Variants in KIRREL3 observed in about 807,000 individuals in gnomAD.
The protein encoded by KIRREL3 is kin of IRRE-like protein 3.
Under a neutral mutation model 89.7 loss-of-function variants are expected in KIRREL3, and 36 were observed. The ratio of observed to expected loss-of-function variants is 0.40; its 90% CI spans 0.31 to 0.53. The LOEUF (loss-of-function observed/expected upper bound fraction) is 0.53. KIRREL3 is among the 20% of genes least tolerant of loss of function. The pLI is 0.49. For missense variants in KIRREL3, 864 were observed against 1,056.6 expected (o/e 0.82, Z 2.53); for synonymous variants, 445 against 441.4 (o/e 1.01, Z -0.10).
At chr11:126,442,448 G>T (rs1009720502) in intron 10 of KIRREL3, among the ~76,000 whole-genome samples, 6 of 151,862 alleles carry the variant, frequency 4.0e-5, no homozygotes, top group Non-Finnish European at 7.4e-5. Flanking sequence ...CTTCTTAAAA[G>T]AAAATGAAAA....
Position 126,900,208 on chromosome 11 carries a change from C to T in KIRREL3, c.55+100247G>A, listed in dbSNP as rs187460050. On this transcript the variant is annotated intron_variant, in intron 1 of 16. Coordinates refer to ENST00000525144, the MANE Select transcript of KIRREL3 (RefSeq NM_032531.4). The surrounding 1 kb of genome is among the most constrained non-coding windows in gnomAD (Gnocchi z 4.4). ...CATGTGCCTAATTTATAGCAAGTCA[C>T]CTACTACTAGAACATCGGCCCTTCA... Among the ~76,000 whole-genome samples, 2 of 152,276 alleles carry T rather than the reference C, an allele frequency of 1.3e-5. No homozygotes were observed. Among genetic ancestry groups the T allele is most frequent in the Admixed American group, 6.5e-5 (1 of 15,308 alleles).
intron 1 of KIRREL3, among the ~76,000 whole-genome samples, chr11:126,738,058 T>C (rs1948862492): frequency 6.6e-6 from 1 of 152,140 alleles, no homozygotes; most frequent in South Asian, 2.1e-4. Context: ...GTAACCATCA[T>C]TCTCCTTAGT....
rs1451969196 is a variant in KIRREL3, at chr11:126,642,936, T to C, written c.56-80024A>G. Among the ~76,000 whole-genome samples the C allele has an allele frequency of 6.6e-6, 1 of 152,130 alleles. No homozygotes were observed. Among genetic ancestry groups the C allele is most frequent in the Non-Finnish European group, 1.5e-5 (1 of 68,026 alleles). On this transcript the variant is annotated intron_variant, in intron 1 of 16. Transcript: ENST00000525144. The surrounding 1 kb of genome is among the most constrained non-coding windows in gnomAD (Gnocchi z 4.9). ...GCATGGTTCCAGAGTACAAGGATCC[T>C]ACAAAGTAAAAGGGTAAAAAAAAGG...
At chr11:126,529,674 G>C (rs760497673) in intron 2 of KIRREL3, among the ~76,000 whole-genome samples, 6 of 151,510 alleles carry the variant, frequency 4.0e-5, no homozygotes, top group Non-Finnish European at 8.8e-5. Context: ...CTTTTCTATG[G>C]AAAGACTGTT....
chr11:126,700,204 AAAAG>A (rs1337745069), intron 1 of KIRREL3, among the ~76,000 whole-genome samples: 11 of 152,022 alleles, frequency 7.2e-5, no homozygotes, highest in African/African-American at 2.7e-4. Flanking sequence ...AAAAAAAAAA[AAAAG>A]AGAGAGAGAG....
In KIRREL3 at chr11:126,723,324, T is replaced by A. The variant is rs889786752; in HGVS notation, c.56-160412A>T. ...GAATGAAAGGCAAAGGGAACAGTGCTGAGCCAGAGAACACAGCATTAGTGG... is the reference window on the plus strand; with the variant it reads ...GAATGAAAGGCAAAGGGAACAGTGCAGAGCCAGAGAACACAGCATTAGTGG... On this transcript the variant is annotated intron_variant, in intron 1 of 16. Transcript: ENST00000525144. This position sits in a 1 kb window ranked among gnomAD's most constrained non-coding sequence, Gnocchi z 4.0. Among the ~76,000 whole-genome samples, 9 of 152,184 alleles carry A rather than the reference T, an allele frequency of 5.9e-5. No homozygotes were observed. Among genetic ancestry groups the A allele is most frequent in the African/African-American group, 2.2e-4 (9 of 41,426 alleles).
intron 1 of KIRREL3, among the ~76,000 whole-genome samples, chr11:126,922,080 A>G (rs1592363952): frequency 1.3e-5 from 2 of 148,350 alleles, no homozygotes; most frequent in African/African-American, 5.0e-5. Context: ...CTGTCTTCCT[A>G]TCATCTATCT....
chr11:126,861,073 A>G (rs1033466442), intron 1 of KIRREL3, among the ~76,000 whole-genome samples: 1 of 152,172 alleles, frequency 6.6e-6, no homozygotes, highest in Non-Finnish European at 1.5e-5. Context: ...ATGGGTAGGG[A>G]AAAGGGCAAA....
rs1302279942 is a variant in KIRREL3, at chr11:126,531,499, G to A, written c.134-4812C>T. Among the ~76,000 whole-genome samples the A allele has an allele frequency of 6.6e-6, 1 of 151,792 alleles. No individual in the cohort carries two copies. The highest frequency in any genetic ancestry group is 2.0e-4 in the East Asian group (1 of 5,128). ...ACCCCCGTGCTGGCTAGTCACTAAGGTCACCTGCCTCGAGTTCTCCTCGAT... is the reference window on the plus strand; with the variant it reads ...ACCCCCGTGCTGGCTAGTCACTAAGATCACCTGCCTCGAGTTCTCCTCGAT... On this transcript the variant is annotated intron_variant, in intron 2 of 16. Coordinates refer to ENST00000525144, the MANE Select transcript of KIRREL3 (RefSeq NM_032531.4). This position sits in a 1 kb window ranked among gnomAD's most constrained non-coding sequence, Gnocchi z 4.7.
In KIRREL3 at chr11:126,877,305, A is replaced by G. The variant is rs927308891; in HGVS notation, c.55+123150T>C. ...CTCAGATAGCAAAAGAGCGTTCTAT[A>G]TATACATGCATTTTCAAAATATTGT... On this transcript the variant is annotated intron_variant, in intron 1 of 16. Coordinates refer to ENST00000525144, the MANE Select transcript of KIRREL3 (RefSeq NM_032531.4). The surrounding 1 kb of genome is among the most constrained non-coding windows in gnomAD (Gnocchi z 4.9). Among the ~76,000 whole-genome samples, 2 of 152,196 alleles carry G rather than the reference A, an allele frequency of 1.3e-5. No homozygotes were observed. The highest frequency in any genetic ancestry group is 4.8e-5 in the African/African-American group (2 of 41,444).
intron 1 of KIRREL3, among the ~76,000 whole-genome samples, chr11:126,589,557 G>A (rs1295719250): frequency 6.6e-6 from 1 of 152,220 alleles, no homozygotes; most frequent in Admixed American, 6.5e-5. Flanking sequence ...TGTGTTCAAA[G>A]GAGGAAATGG....
At chr11:126,971,502 T>G (rs908244975) in intron 1 of KIRREL3, among the ~76,000 whole-genome samples, 6 of 152,170 alleles carry the variant, frequency 3.9e-5, no homozygotes. Context: ...TTGGCATCAT[T>G]GAGTCTCTCT....
intron 10 of KIRREL3, 109 bp downstream of exon 10, chr11:126,444,870 A>G: frequency 6.9e-7 from 1 of 1,448,906 alleles, no homozygotes; most frequent in East Asian, 2.3e-5. Context: ...TGGAGGTGAC[A>G]GCAAGGCCCA....
chr11:126,493,274 C>T (rs112986197), intron 4 of KIRREL3, among the ~76,000 whole-genome samples: 1,736 of 152,274 alleles, frequency 0.011, 31 homozygotes, highest in African/African-American at 0.039. Context: ...GTAATCCTAG[C>T]ACTTTGGGAG....
At chr11:126,884,695 G>A (rs1412916925) in intron 1 of KIRREL3, among the ~76,000 whole-genome samples, 1 of 152,052 alleles carries the variant, frequency 6.6e-6, no homozygotes. Flanking sequence ...TTCATCAAAT[G>A]ACAGGTTTTG....
Position 126,463,402 on chromosome 11 carries a change from AG to A in KIRREL3, c.592-96del. The A allele has an allele frequency of 7.8e-7, 1 of 1,280,274 alleles. No individual in the cohort carries two copies. 79.3% of individuals were successfully genotyped at this position (1,280,274 alleles called of 1,614,324 possible). ...GTAAACGAGCACCAGCTTAGACAGA[AG>A]GGGGAGCTGTGGATGGAGGGGTTCA... is the stretch of plus-strand genomic sequence containing the variant. On this transcript the variant is annotated intron_variant, in intron 5 of 16. Transcript: ENST00000525144. The surrounding 1 kb of genome is among the most constrained non-coding windows in gnomAD (Gnocchi z 5.9).
intron 1 of KIRREL3, among the ~76,000 whole-genome samples, chr11:126,765,351 C>T (rs2134280318): frequency 6.6e-6 from 1 of 152,320 alleles, no homozygotes; most frequent in African/African-American, 2.4e-5. Context: ...CACCCCAACA[C>T]CACAAAGCTA....
In KIRREL3 at chr11:126,445,067, C is replaced by T. The variant is rs1955738363; in HGVS notation, c.1164G>A (p.Val388=). The T allele has an allele frequency of 6.2e-7, 1 of 1,613,924 alleles. No homozygotes were observed. Residue 388 remains valine, a synonymous_variant, in exon 10 of 17, where the codon GTG becomes GTA. Coordinates refer to ENST00000525144, the MANE Select transcript of KIRREL3 (RefSeq NM_032531.4). ...SNEKTLTLKS[V]RQEDAGKYVC... ...CGTACTTGCCCGCGTCCTCCTGGCG[C>T]ACGGATTTGAGGGTCAGGGTCTTCT...
Position 126,587,646 on chromosome 11 carries a change from C to T in KIRREL3, c.56-24734G>A, listed in dbSNP as rs552714825. On this transcript the variant is annotated intron_variant, in intron 1 of 16. Coordinates refer to ENST00000525144, the MANE Select transcript of KIRREL3 (RefSeq NM_032531.4). The surrounding 1 kb of genome is among the most constrained non-coding windows in gnomAD (Gnocchi z 5.2). ...ATAAAAATCCGGCTGCACTTTATCT[C>T]GCTGAAGGACTGTAATCTGGGAGAT... Among the ~76,000 whole-genome samples the T allele has an allele frequency of 2.1e-4, 32 of 152,312 alleles. 1 individual carries two copies. The South Asian group carries it at 5.4e-3, about 26-fold the overall frequency.
Sources: gnomAD v4.1 joint callset for allele counts (sites outside exome capture counted in the v4.1 genomes callset) on GRCh38, gnomAD v4.1.1 for gene constraint, Gnocchi (gnomAD v3.1) non-coding constraint, MANE v1.5 for transcripts, NCBI Gene and HGNC (gene_info 2026-07-23, HGNC 2026-07-21) for gene names.